JARID2: variants seen among roughly 807,000 people sequenced by gnomAD.
JARID2 encodes protein Jumonji.
JARID2 carries 21 observed loss-of-function variants against 125.6 expected under a neutral mutation model. The ratio of observed to expected loss-of-function variants is 0.17; its 90% CI spans 0.12 to 0.24. The LOEUF (loss-of-function observed/expected upper bound fraction) is 0.24, where lower values mean the gene tolerates loss of function less well. Ranked by LOEUF, JARID2 falls within the 10% of genes least tolerant of loss-of-function variation. The probability of loss-of-function intolerance (pLI) is 1.00; values close to 1 mark genes in which losing one functional copy is unlikely to be tolerated. For synonymous variants in JARID2, 736 were observed against 661.6 expected, an observed-to-expected ratio of 1.11 and a Z score of -1.73; for missense variants, 1,303 against 1,639.6, an observed-to-expected ratio of 0.79 and a Z score of 3.55.
intron 1 of JARID2, among the ~76,000 whole-genome samples, chr6:15,270,389 C>T (rs1010714817): frequency 3.9e-5 from 6 of 152,182 alleles, no homozygotes; most frequent in Non-Finnish European, 8.8e-5. Context: ...GCCTTGGCCT[C>T]CCAAAGTGCT....
At chr6:15,321,452 C>T (rs998112737) in intron 1 of JARID2, among the ~76,000 whole-genome samples, 1 of 152,086 alleles carries the variant, frequency 6.6e-6, no homozygotes, top group Non-Finnish European at 1.5e-5. Flanking sequence ...TTTTGTAAAC[C>T]TTTTTGATTG....
chr6:15,427,535 C>T (rs1214368994), intron 3 of JARID2, among the ~76,000 whole-genome samples: 1 of 152,040 alleles, frequency 6.6e-6, no homozygotes, highest in Non-Finnish European at 1.5e-5. Flanking sequence ...ATGGAAACTG[C>T]TGGATACAAG....
At chr6:15,252,488 AAGTAGTCCTACTG>A (rs1201647913) in intron 1 of JARID2, among the ~76,000 whole-genome samples, 6 of 152,088 alleles carry the variant, frequency 3.9e-5, no homozygotes, top group Non-Finnish European at 8.8e-5. Flanking sequence ...GATCAGTTTA[AAGTAGTCCTACTG>A]AGGTGATTGT....
At chr6:15,283,830 T>C (rs537297967) in intron 1 of JARID2, among the ~76,000 whole-genome samples, 82 of 150,694 alleles carry the variant, frequency 5.4e-4, no homozygotes, top group African/African-American at 1.8e-3. Flanking sequence ...CTCAGCTTCC[T>C]GAGTAGCTGG....
intron 6 of JARID2, among the ~76,000 whole-genome samples, chr6:15,495,927 C>T (rs1770395226): frequency 2.6e-5 from 4 of 152,226 alleles, no homozygotes; most frequent in Admixed American, 2.6e-4. Context: ...ATAGTGGATT[C>T]TGAAAGTGGA....
rs796220147 is a variant in JARID2 at position 15,513,118 on chromosome 6, C to T, written c.3266+73C>T. 1.1e-5 allele frequency: 17 copies of T among 1,602,528 alleles called. No individual in the cohort carries two copies. In the East Asian group the frequency reaches 3.8e-4, roughly 36 times the overall value. On this transcript the variant is annotated intron_variant, in intron 15 of 17. Coordinates refer to ENST00000341776, the MANE Select transcript of JARID2 (RefSeq NM_004973.4). ...TTCGGGGGCTCACCCCCCGAGCAGG[C>T]CTCACTTCCTGACAGGAGGGTGTGT...
chr6:15,264,404 A>T lies in JARID2; in HGVS notation c.45+17820A>T, dbSNP rs558364528. Among the ~76,000 whole-genome samples, 24 of 152,258 alleles carry T rather than the reference A, an allele frequency of 1.6e-4. No individual in the cohort carries two copies. The South Asian group carries it at 4.8e-3, about 30-fold the overall frequency. The stretch of plus-strand genomic sequence containing the variant: ...TAGTGCTCAAGGTCATTGTCAAAAA[A>T]TTCTTTACTAATGGTATTAATCATG... On this transcript the variant is annotated intron_variant, in intron 1 of 17. Transcript: ENST00000341776.
chr6:15,340,899 T>A (rs1763046625), intron 1 of JARID2, among the ~76,000 whole-genome samples: 2 of 152,172 alleles, frequency 1.3e-5, no homozygotes, highest in Admixed American at 1.3e-4. Context: ...AGCTGTGTCT[T>A]GGGAAGGGAT....
At chr6:15,298,689 A>G (rs1467476098) in intron 1 of JARID2, among the ~76,000 whole-genome samples, 12 of 151,828 alleles carry the variant, frequency 7.9e-5, no homozygotes. Context: ...CAAAAAAAAA[A>G]AAAAAGAAAA....
At chr6:15,392,515 C>CTGCTG (rs146059029) in intron 2 of JARID2, among the ~76,000 whole-genome samples, 14 of 152,186 alleles carry the variant, frequency 9.2e-5, no homozygotes, top group African/African-American at 3.1e-4. Flanking sequence ...GGATGAGGGA[C>CTGCTG]TGCTGCAGAC....
chr6:15,257,062 G>A (rs1179073516), intron 1 of JARID2, among the ~76,000 whole-genome samples: 1 of 152,104 alleles, frequency 6.6e-6, no homozygotes, highest in South Asian at 2.1e-4. Flanking sequence ...GCTTGTGGTC[G>A]CATATTTTAT....
chr6:15,353,564 G>A (rs567617429), intron 1 of JARID2, among the ~76,000 whole-genome samples: 8 of 152,112 alleles, frequency 5.3e-5, no homozygotes, highest in Non-Finnish European at 1.2e-4. Context: ...ATTGATCGTG[G>A]TGAATTAAGT....
chr6:15,411,009 A>C lies in JARID2; in HGVS notation c.323+644A>C, dbSNP rs191055163. Among the ~76,000 whole-genome samples the C allele has an allele frequency of 5.9e-5, 9 of 152,306 alleles. No homozygotes were observed. The East Asian group carries it at 1.7e-3, about 29-fold the overall frequency. On this transcript the variant is annotated intron_variant, in intron 3 of 17. Coordinates refer to ENST00000341776, the MANE Select transcript of JARID2 (RefSeq NM_004973.4). Reference sequence around the variant, plus strand: ...AGTGACATTTTATAATAATGATTTTACTTGGGTGTTTTTGAAACCCTTTGC... The same window carrying C: ...AGTGACATTTTATAATAATGATTTTCCTTGGGTGTTTTTGAAACCCTTTGC...
chr6:15,427,311 A>T (rs1444113617), intron 3 of JARID2, among the ~76,000 whole-genome samples: 2 of 152,084 alleles, frequency 1.3e-5, no homozygotes, highest in African/African-American at 2.4e-5. Flanking sequence ...ACTTGTTGGG[A>T]CTTCATATTC....
intron 1 of JARID2, among the ~76,000 whole-genome samples, chr6:15,310,147 G>A (rs1206934005): frequency 1.3e-5 from 2 of 152,120 alleles, no homozygotes; most frequent in Admixed American, 6.6e-5. Context: ...ATTCCAGATA[G>A]GTAATTTAAT....
intron 3 of JARID2, among the ~76,000 whole-genome samples, chr6:15,434,808 C>T (rs1200587558): frequency 6.6e-6 from 1 of 152,210 alleles, no homozygotes; most frequent in African/African-American, 2.4e-5. Flanking sequence ...GCCTTAACCT[C>T]TGCTGGAAGA....
At chr6:15,412,243 C>T (rs1225814937) in intron 3 of JARID2, among the ~76,000 whole-genome samples, 1 of 151,960 alleles carries the variant, frequency 6.6e-6, no homozygotes, top group Non-Finnish European at 1.5e-5. Context: ...CTGGGGCACT[C>T]TTGATTATAG....
chr6:15,504,203 C>A (rs1366556680), intron 8 of JARID2, among the ~76,000 whole-genome samples: 1 of 151,832 alleles, frequency 6.6e-6, no homozygotes, highest in African/African-American at 2.4e-5. Context: ...CTTGGAGGGG[C>A]CTTCCGCGCT....
At chr6:15,311,468 A>G (rs1762008785) in intron 1 of JARID2, among the ~76,000 whole-genome samples, 1 of 152,194 alleles carries the variant, frequency 6.6e-6, no homozygotes, top group African/African-American at 2.4e-5. Flanking sequence ...TCCCAGCTAC[A>G]TGGGAAGGCT....
Sources: allele counts gnomAD v4.1 joint callset (sites outside exome capture counted in the v4.1 genomes callset), GRCh38; gene constraint gnomAD v4.1.1; transcripts MANE v1.5; gene names NCBI Gene and HGNC (gene_info 2026-07-23, HGNC 2026-07-21).